The following CIMAP3 variants were observed in gnomAD, a reference collection of about 807,000 sequenced individuals.
CIMAP3 encodes ciliary microtubule associated protein 3.
chr1:111,327,403 T>G, the CIMAP3 span, among the ~76,000 whole-genome samples: 1 of 152,084 alleles, frequency 6.6e-6, no homozygotes, highest in East Asian at 1.9e-4. Context: ...CCTCCTCAAT[T>G]TTTTGGAATC....
the CIMAP3 span, among the ~76,000 whole-genome samples, chr1:111,344,386 G>C: frequency 0.13 from 19,363 of 152,050 alleles, 1,343 homozygotes; most frequent in African/African-American, 0.16. Flanking sequence ...TCTTGTTTCC[G>C]AGTTCTCAGA....
the CIMAP3 span, chr1:111,350,134 C>A: frequency 1.2e-6 from 2 of 1,613,964 alleles, no homozygotes; most frequent in South Asian, 1.1e-5. Context: ...AGAGAAGAAG[C>A]CACCGCCAAA....
the CIMAP3 span, chr1:111,351,558 G>C: frequency 1.6e-5 from 6 of 365,506 alleles, no homozygotes; most frequent in Non-Finnish European, 2.9e-5. Flanking sequence ...GTGGGTTTCT[G>C]TTGGGTGCTG....
chr1:111,347,710 AC>A, the CIMAP3 span: 1 of 1,613,118 alleles, frequency 6.2e-7, no homozygotes, highest in Non-Finnish European at 8.5e-7. Context: ...TAAGATCCCA[AC>A]CAGTATAAAA....
the CIMAP3 span, among the ~76,000 whole-genome samples, chr1:111,342,419 G>A: frequency 1.3e-5 from 2 of 152,200 alleles, no homozygotes; most frequent in Non-Finnish European, 2.9e-5. Context: ...CCTAGCAAGA[G>A]CATCAGCCTT....
At chr1:111,351,434 C>T in the CIMAP3 span, 3 of 998,332 alleles carry the variant, frequency 3.0e-6, no homozygotes, top group South Asian at 5.3e-5. Flanking sequence ...TGTCTGGCAG[C>T]CTGGAGCCCA....
chr1:111,337,031 G>A, the CIMAP3 span, among the ~76,000 whole-genome samples: 6,913 of 152,156 alleles, frequency 0.045, 325 homozygotes, highest in African/African-American at 0.11. Context: ...GCAGAGAGTG[G>A]GGGCCAATAT....
At chr1:111,351,543 G>C in the CIMAP3 span, 2 of 383,780 alleles carry the variant, frequency 5.2e-6, no homozygotes, top group African/African-American at 2.1e-5. Context: ...TGCATGTCTG[G>C]GTCTGTGGGT....
At chr1:111,329,543 AT>A in the CIMAP3 span, among the ~76,000 whole-genome samples, 48 of 97,158 alleles carry the variant, frequency 4.9e-4, no homozygotes, top group Non-Finnish European at 7.0e-4. Flanking sequence ...ATATATATAT[AT>A]ATATATATAT....
chr1:111,345,401 T>C, the CIMAP3 span, among the ~76,000 whole-genome samples: 1 of 152,222 alleles, frequency 6.6e-6, no homozygotes, highest in Non-Finnish European at 1.5e-5. Context: ...CTAATTATTT[T>C]TGTAGAGTCC....
chr1:111,344,805 A>G, the CIMAP3 span, among the ~76,000 whole-genome samples: 1 of 152,258 alleles, frequency 6.6e-6, no homozygotes, highest in Non-Finnish European at 1.5e-5. Flanking sequence ...ATACCAATAC[A>G]GTCATACACC....
chr1:111,339,278 C>T, the CIMAP3 span, among the ~76,000 whole-genome samples: 23 of 151,174 alleles, frequency 1.5e-4, no homozygotes, highest in Admixed American at 1.1e-3. Context: ...GGAAGCATTC[C>T]CTTTGAAAAC....
chr1:111,346,599 A>G, the CIMAP3 span: 3 of 1,612,004 alleles, frequency 1.9e-6, no homozygotes, highest in East Asian at 6.7e-5. Flanking sequence ...TCACGGGACT[A>G]GCCTTCGTTT....
chr1:111,352,222 T>C, the CIMAP3 span: 1 of 152,494 alleles, frequency 6.6e-6, no homozygotes, highest in Non-Finnish European at 1.5e-5. Flanking sequence ...ATCAAGTATA[T>C]AGTTTGTTCA....
At chr1:111,324,809 T>G in the CIMAP3 span, 157 of 985,188 alleles carry the variant, frequency 1.6e-4, no homozygotes, top group African/African-American at 2.6e-3. Context: ...AGGTCCATGC[T>G]ATCTTCTCTA....
the CIMAP3 span, among the ~76,000 whole-genome samples, chr1:111,330,245 G>A: frequency 6.6e-6 from 1 of 152,174 alleles, no homozygotes; most frequent in Non-Finnish European, 1.5e-5. Context: ...GTCATTTGGA[G>A]GATATACCAC....
the CIMAP3 span, among the ~76,000 whole-genome samples, chr1:111,330,719 C>A: frequency 6.6e-6 from 1 of 152,284 alleles, no homozygotes. Flanking sequence ...ATGGAGGCAG[C>A]AGAGGAAGAG....
At chr1:111,328,870 G>A in the CIMAP3 span, among the ~76,000 whole-genome samples, 27 of 152,184 alleles carry the variant, frequency 1.8e-4, no homozygotes, top group African/African-American at 6.5e-4. Flanking sequence ...ATTAATATGT[G>A]TGGATTTGAT....
the CIMAP3 span, chr1:111,347,874 C>A: frequency 2.5e-6 from 2 of 808,956 alleles, no homozygotes; most frequent in Middle Eastern, 2.5e-4. Flanking sequence ...AGAATATGCC[C>A]TGAAATTAAA....
Sources: gnomAD v4.1 joint callset for allele counts (sites outside exome capture counted in the v4.1 genomes callset) on GRCh38, gnomAD v4.1.1 for gene constraint, MANE v1.5 for transcripts, NCBI Gene and HGNC (gene_info 2026-07-23, HGNC 2026-07-21) for gene names.